The following NRDE2 variants were observed in gnomAD, a reference collection of about 807,000 sequenced individuals.
NRDE2 encodes the protein NRDE-2, necessary for RNA interference, domain containing, also known as nuclear exosome regulator NRDE2.
A neutral mutation model predicts 124.2 loss-of-function variants in NRDE2; 76 were observed. The ratio of observed to expected loss-of-function variants is 0.61; its 90% CI spans 0.51 to 0.74. The LOEUF is 0.74. NRDE2 is among the 30% of genes least tolerant of loss of function. NRDE2 has a pLI of 0.00. For missense variants in NRDE2, 1,314 were observed against 1,417.3 expected (o/e 0.93, Z 1.17); for synonymous variants, 489 against 528.1 (o/e 0.93, Z 1.01).
chr14:90,299,820 T>A (rs530829841), intron 7 of NRDE2, among the ~76,000 whole-genome samples: 66 of 152,362 alleles, frequency 4.3e-4, no homozygotes, highest in African/African-American at 1.5e-3. Context: ...AAATTTTTTT[T>A]AAATAGTGTG....
chr14:90,317,903 T>C (rs1885103518), intron 2 of NRDE2, 102 bp downstream of exon 2: 2 of 755,110 alleles, frequency 2.6e-6, no homozygotes, highest in Admixed American at 5.4e-5. Flanking sequence ...GTAAGAGTTT[T>C]ACATACCTCT....
Position 90,268,438 on chromosome 14 carries a change from C to A in NRDE2, c.*9898G>T, listed in dbSNP as rs780335031. The A allele has an allele frequency of 1.2e-6, 2 of 1,610,896 alleles. No homozygotes were observed. Among genetic ancestry groups the A allele is most frequent in the East Asian group, 4.5e-5 (2 of 44,858 alleles). On this transcript the variant is annotated 3_prime_UTR_variant, in exon 14 of 14. Coordinates refer to ENST00000354366, the MANE Select transcript of NRDE2 (RefSeq NM_017970.4). ...GGTAGACTTTCTCATACTTATTTTG[C>A]CTTGTTTAGTAGGGAACACCGCATA...
At chr14:90,319,672 G>A (rs1885174112) in intron 1 of NRDE2, among the ~76,000 whole-genome samples, 3 of 152,104 alleles carry the variant, frequency 2.0e-5, no homozygotes, top group Non-Finnish European at 2.9e-5. Context: ...TACCTCATTC[G>A]TTTTTATTGT....
intron 1 of NRDE2, among the ~76,000 whole-genome samples, chr14:90,321,035 A>C (rs1045598612): frequency 2.6e-5 from 4 of 152,212 alleles, no homozygotes; most frequent in African/African-American, 9.7e-5. Flanking sequence ...AATTATTTCC[A>C]CAAAAATCAG....
At chr14:90,329,835 C>CAAA (rs1173430522) in intron 1 of NRDE2, among the ~76,000 whole-genome samples, 3 of 56,154 alleles carry the variant, frequency 5.3e-5, no homozygotes, top group African/African-American at 2.0e-4. Flanking sequence ...GAGACTGCCT[C>CAAA]AAAAAAAAAA....
chr14:90,287,212 A>G (rs6575122), intron 11 of NRDE2, among the ~76,000 whole-genome samples: 39,676 of 152,024 alleles, frequency 0.26, 5,672 homozygotes, highest in Middle Eastern at 0.42. Context: ...AATATTATTC[A>G]AAGACAATTT....
In NRDE2 at chr14:90,269,341, C is replaced by T. The variant is rs1415099057; in HGVS notation, c.*8995G>A. Reference sequence around the variant, plus strand: ...CACAATGAGGTCTTTGCTGTAATTCCCCTTGAGCAGGCGATCAGTTGAGTC... The same window carrying T: ...CACAATGAGGTCTTTGCTGTAATTCTCCTTGAGCAGGCGATCAGTTGAGTC... On this transcript the variant is annotated 3_prime_UTR_variant, in exon 14 of 14. Coordinates refer to ENST00000354366, the MANE Select transcript of NRDE2 (RefSeq NM_017970.4). The T allele has an allele frequency of 6.7e-6, 10 of 1,488,292 alleles. No homozygotes were observed. In the Admixed American group the frequency reaches 1.9e-4, roughly 28 times the overall value. 92.2% of individuals were successfully genotyped at this position (1,488,292 alleles called of 1,614,324 possible).
At chr14:90,307,303 A>G (rs1171583922) in intron 4 of NRDE2, among the ~76,000 whole-genome samples, 2 of 152,224 alleles carry the variant, frequency 1.3e-5, no homozygotes, top group South Asian at 2.1e-4. Context: ...TTTCCCAATC[A>G]TTAGACATTT....
rs1891783269 is a variant in NRDE2 at position 90,275,426 on chromosome 14, C to T, written c.*2910G>A. On this transcript the variant is annotated 3_prime_UTR_variant, in exon 14 of 14. Coordinates refer to ENST00000354366, the MANE Select transcript of NRDE2 (RefSeq NM_017970.4). ...TTTGAGATTAAAAAAAACAAAAAAC[C>T]CCAGCACATCAGTATTGCCTTTTCC... The T allele has an allele frequency of 6.6e-6, 1 of 152,132 alleles. No homozygotes were observed. The highest frequency in any genetic ancestry group is 1.5e-5 in the Non-Finnish European group (1 of 68,020). 9.4% of individuals were successfully genotyped at this position (152,132 alleles called of 1,614,324 possible).
intron 1 of NRDE2, among the ~76,000 whole-genome samples, chr14:90,328,319 A>AAAAAAAAAAAG (rs1885531321): frequency 6.7e-6 from 1 of 149,134 alleles, no homozygotes; most frequent in African/African-American, 2.4e-5. Flanking sequence ...AAAAAAAAAA[A>AAAAAAAAAAAG]AAAAGAAAAA....
At chr14:90,290,647 CA>C in intron 9 of NRDE2, 40 bp from the exon 10 acceptor site, 4 of 1,561,072 alleles carry the variant, frequency 2.6e-6, no homozygotes, top group South Asian at 1.2e-5. Flanking sequence ...TGTAACAAAA[CA>C]AAACCCGCAC....
chr14:90,292,112 G>A (rs1892286085), intron 9 of NRDE2, among the ~76,000 whole-genome samples: 1 of 152,196 alleles, frequency 6.6e-6, no homozygotes, highest in East Asian at 1.9e-4. Flanking sequence ...AAGTCACACG[G>A]TAACAGTAAA....
intron 12 of NRDE2, among the ~76,000 whole-genome samples, chr14:90,285,575 T>C (rs1395051494): frequency 6.6e-6 from 1 of 152,144 alleles, no homozygotes; most frequent in Non-Finnish European, 1.5e-5. Flanking sequence ...GTGCTGGGAT[T>C]ACAGGCATGA....
intron 1 of NRDE2, among the ~76,000 whole-genome samples, chr14:90,330,476 A>C (rs1885646245): frequency 6.6e-6 from 1 of 152,202 alleles, no homozygotes; most frequent in Admixed American, 6.5e-5. Flanking sequence ...ATTACAGTCT[A>C]GTAAGGGAAG....
rs114253279 is a variant in NRDE2 at position 90,288,933 on chromosome 14, T to A, written c.2442A>T (p.Glu814Asp). Residue 814 changes from glutamate to aspartate, a missense_variant, in exon 11 of 14, where the codon GAA becomes GAT. Transcript: ENST00000354366. ...GCTCACAGAGGTCAGAGTCTTTCAG[T>A]TCTCTGCTTCCTGCCATGCCAAGTG... ...DTALGMAGSR[E>D]LKDSDLCELS... is the part of the protein sequence containing the mutation. 6.2e-6 allele frequency: 10 copies of A among 1,612,358 alleles called. No individual in the cohort carries two copies. Among genetic ancestry groups the A allele is most frequent in the Non-Finnish European group, 7.6e-6 (9 of 1,178,448 alleles).
rs1336215415 is a variant in NRDE2, at chr14:90,303,026, T to C, written c.1105A>G (p.Ile369Val). The change falls in exon 6 of 14, where the codon ATT becomes GTT. Residue 369 changes from isoleucine to valine, a missense_variant. By Grantham distance (29) the Ile-to-Val change is conservative (BLOSUM62 3). Coordinates refer to ENST00000354366, the MANE Select transcript of NRDE2 (RefSeq NM_017970.4). ...TTGCTCTCAATGGCCCGCTCCAGAATGGCCAGCTTCTTCTCCAGAATGAGC... is the reference window on the plus strand; with the variant it reads ...TTGCTCTCAATGGCCCGCTCCAGAACGGCCAGCTTCTTCTCCAGAATGAGC... ...LKLILEKKLAILERAIESNQS... is the reference protein window; with the variant it reads ...LKLILEKKLAVLERAIESNQS... 14 of 1,613,910 alleles carry C rather than the reference T, an allele frequency of 8.7e-6. No homozygotes were observed. Among genetic ancestry groups the C allele is most frequent in the Non-Finnish European group, 1.2e-5 (14 of 1,180,036 alleles).
intron 3 of NRDE2, 141 bp downstream of exon 3, chr14:90,316,433 TTCTC>T: frequency 1.6e-6 from 1 of 616,368 alleles, no homozygotes; most frequent in East Asian, 2.6e-5. Context: ...ATTTTTCTCC[TTCTC>T]TTTTTTAAGC....
At chr14:90,285,447 G>A (rs1446693753) in intron 12 of NRDE2, among the ~76,000 whole-genome samples, 1 of 151,518 alleles carries the variant, frequency 6.6e-6, no homozygotes, top group Non-Finnish European at 1.5e-5. Context: ...GATTACAGGT[G>A]CATACCACCA....
Position 90,298,377 on chromosome 14 carries a change from C to T in NRDE2, c.1549G>A (p.Glu517Lys). The change falls in exon 8 of 14, where the codon GAA (glutamate) becomes AAA (lysine). Residue 517 changes from glutamate (E) to lysine (K), a missense_variant. Physicochemically the swap from Glu to Lys is moderately conservative, Grantham distance 56. Transcript: ENST00000354366. The stretch of plus-strand genomic sequence containing the variant: ...CTGTCCCAAAAGGGTTCAAAGAATT[C>T]CACCTGTTCAGATTTTAGAATGGAC... ...VKDLPTKGQV[E>K]FFEPFWDSGE... The T allele has an allele frequency of 3.7e-6, 6 of 1,613,778 alleles. No individual in the cohort carries two copies. Among genetic ancestry groups the T allele is most frequent in the Non-Finnish European group, 5.1e-6 (6 of 1,180,006 alleles).
Sources: gnomAD v4.1 joint callset for allele counts (sites outside exome capture counted in the v4.1 genomes callset) on GRCh38, gnomAD v4.1.1 for gene constraint, MANE v1.5 for transcripts, NCBI Gene and HGNC (gene_info 2026-07-23, HGNC 2026-07-21) for gene names.